Variants in CTRB1 observed in about 807,000 individuals in gnomAD.
The protein encoded by CTRB1 is chymotrypsinogen B1, also known as chymotrypsinogen B.
Under a neutral mutation model 20.4 loss-of-function variants are expected in CTRB1, and 15 were observed. The observed-to-expected ratio is 0.74, with a 90% CI of 0.49 to 1.13. CTRB1 has a LOEUF of 1.13. Ranked by LOEUF, CTRB1 falls within the 50% of genes most tolerant of loss-of-function variation. The probability of loss-of-function intolerance (pLI) is 0.00; values close to 1 mark genes in which losing one functional copy is unlikely to be tolerated. For missense variants in CTRB1, 227 were observed against 290.1 expected, an observed-to-expected ratio of 0.78 and a Z score of 1.58; for synonymous variants, 92 against 128.4, an observed-to-expected ratio of 0.72 and a Z score of 1.92.
In CTRB1 at chr16:75,224,749, G is replaced by A; in HGVS notation, c.675G>A (p.Trp225Ter). ...TGGTCTGCCAAAAGGATGGAGCCTG[G>A]ACCCTGGTGGGCATTGTGTCCTGGG... ...GPLVCQKDGAWTLVGIVSWGS... is the reference protein window; with the variant it reads ...GPLVCQKDGA Residue 225 changes from tryptophan to a stop codon, truncating the protein, a stop_gained, in exon 7 of 7, where the codon TGG (tryptophan) becomes TGA (stop). Transcript: ENST00000361017. LOFTEE classifies it low-confidence loss of function (END_TRUNC). 2 of 1,613,734 alleles carry A rather than the reference G, an allele frequency of 1.2e-6. No individual in the cohort carries two copies. The highest frequency in any genetic ancestry group is 2.2e-5 in the South Asian group (2 of 91,060).
chr16:75,220,754 C>CTTAT (rs67227437), intron 1 of CTRB1, among the ~76,000 whole-genome samples: 1 of 151,246 alleles, frequency 6.6e-6, no homozygotes, highest in Non-Finnish European at 1.5e-5. Context: ...ATCTAGTTCT[C>CTTAT]TTATTTATTT....
At position 75,224,741 on chromosome 16, in the gene CTRB1, G is replaced by A; in HGVS notation, c.667G>A (p.Gly223Arg). The A allele has an allele frequency of 6.2e-7, 1 of 1,613,340 alleles. No homozygotes were observed. Among genetic ancestry groups the A allele is most frequent in the Non-Finnish European group, 8.5e-7 (1 of 1,179,836 alleles). The change falls in exon 7 of 7, where the codon GGA (glycine) becomes AGA (arginine). Residue 223 changes from glycine to arginine, a missense_variant. Around this residue, in one of 4 missense-constraint regions of CTRB1, gnomAD observed 108 missense variants for 76.9 expected, o/e 1.41. Transcript: ENST00000361017. ...SGGPLVCQKD[G>R]AWTLVGIVSW... The stretch of plus-strand genomic sequence containing the variant: ...CGGCCCCCTGGTCTGCCAAAAGGAT[G>A]GAGCCTGGACCCTGGTGGGCATTGT...
Position 75,224,827 on chromosome 16 carries a change from G to C in CTRB1, c.753G>C (p.Lys251Asn). 6.2e-7 allele frequency: 1 copy of C among 1,614,004 alleles called. No individual in the cohort carries two copies. Among genetic ancestry groups the C allele is most frequent in the Non-Finnish European group, 8.5e-7 (1 of 1,180,034 alleles). ...SSPGVYARVTKLIPWVQKILA... is the reference protein window; with the variant it reads ...SSPGVYARVTNLIPWVQKILA... ...CTGGCGTGTACGCCCGTGTCACCAA[G>C]CTCATACCTTGGGTGCAGAAGATCC... The change falls in exon 7 of 7, where the codon AAG (lysine) becomes AAC (asparagine). Residue 251 changes from lysine (K) to asparagine (N), a missense_variant. By Grantham distance (94) the Lys-to-Asn change is moderately conservative. Transcript: ENST00000361017.
chr16:75,220,145 C>CTTTGTT (rs150869796), intron 1 of CTRB1, among the ~76,000 whole-genome samples: 1 of 151,076 alleles, frequency 6.6e-6, no homozygotes, highest in Non-Finnish European at 1.5e-5. Flanking sequence ...AGTTTAAAAA[C>CTTTGTT]TTGTTTTGTT....
At chr16:75,221,725 C>T (rs1193503841) in intron 1 of CTRB1, among the ~76,000 whole-genome samples, 2 of 146,168 alleles carry the variant, frequency 1.4e-5, no homozygotes, top group Non-Finnish European at 3.1e-5. Flanking sequence ...GTGATCTCAG[C>T]ATGTTGGGAG....
At chr16:75,222,408 C>T (rs992475715) in intron 1 of CTRB1, among the ~76,000 whole-genome samples, 3 of 152,182 alleles carry the variant, frequency 2.0e-5, no homozygotes, top group African/African-American at 7.2e-5. Context: ...CTGAGGACAC[C>T]AAGGCCTGAG....
At chr16:75,222,291 G>A (rs1021561821) in intron 1 of CTRB1, among the ~76,000 whole-genome samples, 2 of 152,148 alleles carry the variant, frequency 1.3e-5, no homozygotes, top group African/African-American at 4.8e-5. Flanking sequence ...CAGATTCCTG[G>A]TGGACTTGGG....
At chr16:75,221,224 C>T (rs1171830089) in intron 1 of CTRB1, among the ~76,000 whole-genome samples, 2 of 152,166 alleles carry the variant, frequency 1.3e-5, no homozygotes, top group Admixed American at 6.5e-5. Context: ...GGTTGGCCCG[C>T]GCACAGGAGT....
At position 75,222,950 on chromosome 16, in the gene CTRB1, C is replaced by T. The variant is rs201073029; in HGVS notation, c.157-19C>T. On this transcript the variant is annotated intron_variant, in intron 2 of 6. Coordinates refer to ENST00000361017, the MANE Select transcript of CTRB1 (RefSeq NM_001906.6). ...TGCCCCCGGGTGGGAGGTGCTGACC[C>T]TCCCCATCTTGCTCACAGGACAAAA... is the stretch of plus-strand genomic sequence containing the variant. The T allele has an allele frequency of 6.7e-3, 7,454 of 1,114,882 alleles. 272 individuals are homozygous for T. In the African/African-American group the frequency reaches 0.099, roughly 15 times the overall value. 69.1% of individuals were successfully genotyped at this position (1,114,882 alleles called of 1,614,324 possible).
chr16:75,219,156 C>T (rs998466535), intron 1 of CTRB1, 97 bp downstream of exon 1: 9 of 1,310,750 alleles, frequency 6.9e-6, no homozygotes, highest in Non-Finnish European at 9.5e-6. Flanking sequence ...GGGCCTCATC[C>T]CCAGCACAGG....
chr16:75,222,905 G>C, intron 2 of CTRB1, 34 bp downstream of exon 2: 4 of 1,416,694 alleles, frequency 2.8e-6, no homozygotes, highest in Non-Finnish European at 3.8e-6. Context: ...GGGCACCCTG[G>C]GTAGGGGCCA....
chr16:75,224,239 G>A lies in CTRB1; in HGVS notation c.630+51G>A, dbSNP rs755434989. The A allele has an allele frequency of 3.3e-6, 5 of 1,503,590 alleles. No homozygotes were observed. In the Middle Eastern group the frequency reaches 1.2e-3, roughly 352 times the overall value. The allele number at this position is 1,503,590 out of a possible 1,614,324, so 93.1% of individuals were successfully genotyped here. Reference sequence around the variant, plus strand: ...GGCCAGGCGAGCGGGGTGCAGGGGAGGTCTGGGCTTTCCACCCCTCTCTGC... The same window carrying A: ...GGCCAGGCGAGCGGGGTGCAGGGGAAGTCTGGGCTTTCCACCCCTCTCTGC... On this transcript the variant is annotated intron_variant, in intron 6 of 6. Coordinates refer to ENST00000361017, the MANE Select transcript of CTRB1 (RefSeq NM_001906.6).
At chr16:75,224,623 A>C (rs982253526) in intron 6 of CTRB1, 82 bp from the exon 7 acceptor site, 1 of 1,468,590 alleles carries the variant, frequency 6.8e-7, no homozygotes, top group Non-Finnish European at 9.2e-7. Flanking sequence ...CCTGGACTGG[A>C]CTCTGGGAAC....
At position 75,224,830 on chromosome 16, in the gene CTRB1, C is replaced by G. The variant is rs752068802; in HGVS notation, c.756C>G (p.Leu252=). Residue 252 remains leucine, a synonymous_variant, in exon 7 of 7, where the codon CTC becomes CTG. Transcript: ENST00000361017. ...GCGTGTACGCCCGTGTCACCAAGCT[C>G]ATACCTTGGGTGCAGAAGATCCTGG... ...SPGVYARVTK[L]IPWVQKILAA... is the part of the protein sequence containing the mutation. The G allele has an allele frequency of 6.2e-6, 10 of 1,613,906 alleles. No individual in the cohort carries two copies. The South Asian group carries it at 8.8e-5, about 14-fold the overall frequency.
rs764205539 is a variant in CTRB1 at position 75,224,884 on chromosome 16, A to G, written c.*18A>G. The G allele has an allele frequency of 3.7e-6, 6 of 1,612,510 alleles. No homozygotes were observed. In the Admixed American group the frequency reaches 5.0e-5, roughly 13 times the overall value. ...CCAACTGAGCCCGCGGCTCCCTCCG[A>G]CCCTGCTCCCCACAGAGCCTCAGTA... On this transcript the variant is annotated 3_prime_UTR_variant, in exon 7 of 7. Transcript: ENST00000361017.
At chr16:75,221,470 C>T (rs2039083210) in intron 1 of CTRB1, among the ~76,000 whole-genome samples, 1 of 152,154 alleles carries the variant, frequency 6.6e-6, no homozygotes, top group Admixed American at 6.5e-5. Context: ...AGCGATTCTC[C>T]TGCCTCAGCC....
At chr16:75,224,522 G>C (rs967147823) in intron 6 of CTRB1, among the ~76,000 whole-genome samples, 183 bp from the exon 7 acceptor site, 7 of 152,220 alleles carry the variant, frequency 4.6e-5, no homozygotes, top group Non-Finnish European at 8.8e-5. Flanking sequence ...GGCTGGCTCA[G>C]GCTTCCAGGG....
chr16:75,221,321 T>A (rs1008954578), intron 1 of CTRB1, among the ~76,000 whole-genome samples: 7 of 152,190 alleles, frequency 4.6e-5, no homozygotes, highest in Admixed American at 3.9e-4. Flanking sequence ...CTGCTTCCAA[T>A]GTGCCATTTT....
chr16:75,222,105 G>A (rs1429219087), intron 1 of CTRB1, among the ~76,000 whole-genome samples: 2 of 150,080 alleles, frequency 1.3e-5, no homozygotes, highest in Non-Finnish European at 3.0e-5. Flanking sequence ...AGGTTGCAGT[G>A]GGCCATGATG....
Sources: allele counts gnomAD v4.1 joint callset (sites outside exome capture counted in the v4.1 genomes callset), GRCh38; gene constraint gnomAD v4.1.1; regional missense constraint gnomAD v4.1.1; transcripts MANE v1.5; gene names NCBI Gene and HGNC (gene_info 2026-07-23, HGNC 2026-07-21).